SHISA6: variants seen among roughly 807,000 people sequenced by gnomAD.
SHISA6 encodes the protein protein shisa-6.
In SHISA6, 22 loss-of-function variants were observed where a neutral mutation model predicts 47.9. The observed-to-expected ratio is 0.46, with a 90% CI of 0.33 to 0.66. The LOEUF (loss-of-function observed/expected upper bound fraction) is 0.66, where lower values mean the gene tolerates loss of function less well. Ranked by LOEUF, SHISA6 falls within the 30% of genes least tolerant of loss-of-function variation. The pLI is 0.02. For synonymous variants in SHISA6, 388 were observed against 337.8 expected (o/e 1.15, Z -1.63); for missense variants, 680 against 764.6 (o/e 0.89, Z 1.30).
chr17:11,557,690 C>G (rs2071994476), intron 5 of SHISA6, 64 bp from the exon 6 acceptor site: 2 of 1,450,858 alleles, frequency 1.4e-6, no homozygotes, highest in African/African-American at 1.4e-5. Context: ...GGGCAGGGTT[C>G]TATCTGAGTC....
intron 3 of SHISA6, among the ~76,000 whole-genome samples, chr17:11,452,845 C>A (rs1313823000): frequency 6.6e-6 from 1 of 151,298 alleles, no homozygotes; most frequent in Non-Finnish European, 1.5e-5. Context: ...TCTTCCTCTA[C>A]TCCTTGTTCT....
At chr17:11,490,357 T>G (rs1436285071) in intron 3 of SHISA6, among the ~76,000 whole-genome samples, 5 of 150,784 alleles carry the variant, frequency 3.3e-5, no homozygotes, top group African/African-American at 1.2e-4. Flanking sequence ...AGAGGAAAAA[T>G]GAAGGAGAAG....
chr17:11,291,822 C>T (rs1029016560), intron 2 of SHISA6, among the ~76,000 whole-genome samples: 7 of 152,092 alleles, frequency 4.6e-5, no homozygotes, highest in African/African-American at 1.7e-4. Flanking sequence ...ACATCTGTAT[C>T]CTAACCTCCT....
At position 11,384,600 on chromosome 17, in the gene SHISA6, C is replaced by T. The variant is rs538966598; in HGVS notation, c.895+5091C>T. Among the ~76,000 whole-genome samples, 10 of 152,282 alleles carry T rather than the reference C, an allele frequency of 6.6e-5. No homozygotes were observed. In the East Asian group the frequency reaches 9.7e-4, roughly 15 times the overall value. ...ACATTTCAATATTGTCAATTCCAGT[C>T]GTTTCCACTGGGATATCCCTGGCCA... On this transcript the variant is annotated intron_variant, in intron 3 of 5. Transcript: ENST00000441885.
intron 2 of SHISA6, among the ~76,000 whole-genome samples, chr17:11,306,475 G>A (rs1008360): frequency 0.087 from 13,247 of 152,158 alleles, 647 homozygotes; most frequent in East Asian, 0.16. Flanking sequence ...CCCTGGTTCC[G>A]CTCTCTGGGA....
At chr17:11,387,187 A>G (rs1913224234) in intron 3 of SHISA6, among the ~76,000 whole-genome samples, 1 of 152,012 alleles carries the variant, frequency 6.6e-6, no homozygotes, top group African/African-American at 2.4e-5. Context: ...CCACAGAACA[A>G]CCCTGAACAG....
chr17:11,465,820 C>T (rs1044243818), intron 3 of SHISA6, among the ~76,000 whole-genome samples: 9 of 152,254 alleles, frequency 5.9e-5, no homozygotes, highest in Admixed American at 2.0e-4. Context: ...GCATCTGTCC[C>T]GGGAGCCGTG....
chr17:11,556,566 C>A (rs1374464843), intron 5 of SHISA6, among the ~76,000 whole-genome samples: 1 of 152,158 alleles, frequency 6.6e-6, no homozygotes, highest in Non-Finnish European at 1.5e-5. Flanking sequence ...TGATGACCAC[C>A]CAACTGCAGT....
intron 2 of SHISA6, among the ~76,000 whole-genome samples, chr17:11,275,300 G>T (rs1301171921): frequency 6.6e-6 from 1 of 152,102 alleles, no homozygotes; most frequent in South Asian, 2.1e-4. Context: ...CTCCAAAGGG[G>T]CTTGGAGAGG....
intron 5 of SHISA6, among the ~76,000 whole-genome samples, chr17:11,557,523 C>T (rs946041670): frequency 6.6e-6 from 1 of 152,320 alleles, no homozygotes. Flanking sequence ...CCACCCCAGA[C>T]CCACTGAATT....
intron 2 of SHISA6, among the ~76,000 whole-genome samples, chr17:11,310,656 A>G (rs117396574): frequency 2.2e-3 from 336 of 152,328 alleles, no homozygotes; most frequent in Non-Finnish European, 3.9e-3. Flanking sequence ...CAAGGAACAG[A>G]CAAGATCATA....
intron 3 of SHISA6, among the ~76,000 whole-genome samples, chr17:11,381,135 G>A (rs1332067473): frequency 1.3e-5 from 2 of 152,152 alleles, no homozygotes; most frequent in African/African-American, 2.4e-5. Context: ...TTGGAGCAGA[G>A]GTGGAAATAT....
intron 2 of SHISA6, among the ~76,000 whole-genome samples, chr17:11,370,961 C>A (rs1214160317): frequency 5.9e-5 from 9 of 152,210 alleles, no homozygotes. Flanking sequence ...AGAGGGAAGA[C>A]AACCAGAGAG....
At chr17:11,531,648 A>T (rs1009939097) in intron 3 of SHISA6, among the ~76,000 whole-genome samples, 1 of 152,214 alleles carries the variant, frequency 6.6e-6, no homozygotes, top group African/African-American at 2.4e-5. Context: ...TAAAGAACCT[A>T]GTTGGCCCCT....
chr17:11,426,170 T>C (rs773237769), intron 3 of SHISA6, among the ~76,000 whole-genome samples: 21 of 152,240 alleles, frequency 1.4e-4, no homozygotes, highest in Non-Finnish European at 1.9e-4. Context: ...AAGGACAGTC[T>C]AAGAATTTCA....
intron 2 of SHISA6, among the ~76,000 whole-genome samples, chr17:11,370,332 C>T (rs1358145895): frequency 2.0e-5 from 3 of 152,138 alleles, no homozygotes; most frequent in African/African-American, 4.8e-5. Context: ...TCAATTACAA[C>T]GGGTGAGTTG....
At chr17:11,357,109 A>AC (rs1239611930) in intron 2 of SHISA6, among the ~76,000 whole-genome samples, 2 of 137,908 alleles carry the variant, frequency 1.5e-5, no homozygotes, top group Non-Finnish European at 3.1e-5. Flanking sequence ...AATGGCGTGA[A>AC]CCCGGGAGGC....
intron 1 of SHISA6, among the ~76,000 whole-genome samples, chr17:11,252,515 G>A (rs923607107): frequency 2.0e-5 from 3 of 152,176 alleles, no homozygotes; most frequent in African/African-American, 7.2e-5. Flanking sequence ...CTGTTAATTT[G>A]AAGTGGCATC....
At chr17:11,270,528 C>T (rs753482432) in intron 2 of SHISA6, among the ~76,000 whole-genome samples, 6 of 152,104 alleles carry the variant, frequency 3.9e-5, no homozygotes, top group South Asian at 2.1e-4. Context: ...AGTTGGCAAA[C>T]GTTTTCCAGA....
Sources: allele counts gnomAD v4.1 joint callset (sites outside exome capture counted in the v4.1 genomes callset), GRCh38; gene constraint gnomAD v4.1.1; transcripts MANE v1.5; gene names NCBI Gene and HGNC (gene_info 2026-07-23, HGNC 2026-07-21).